The following ARHGEF4 variants were observed in gnomAD, a reference collection of about 807,000 sequenced individuals.
The protein encoded by ARHGEF4 is APC-stimulated guanine nucleotide exchange factor 1.
In ARHGEF4, 119 loss-of-function variants were observed where a neutral mutation model predicts 162.0. The observed-to-expected ratio is 0.73, with a 90% CI of 0.63 to 0.86. The LOEUF is 0.86. Among genes scored for constraint, ARHGEF4 ranks in the 40% least tolerant of loss-of-function variants. The pLI is 0.00. For synonymous variants in ARHGEF4, 1,014 were observed against 979.9 expected (o/e 1.03, Z -0.65); for missense variants, 2,488 against 2,456.0 (o/e 1.01, Z -0.28).
chr2:131,006,318 C>T (rs1688111216), intron 4 of ARHGEF4, among the ~76,000 whole-genome samples: 1 of 152,242 alleles, frequency 6.6e-6, no homozygotes, highest in South Asian at 2.1e-4. Flanking sequence ...ACACTGTGCC[C>T]AGCCCTTTGA....
Sources: allele counts gnomAD v4.1 joint callset (sites outside exome capture counted in the v4.1 genomes callset), GRCh38; gene constraint gnomAD v4.1.1; transcripts MANE v1.5; gene names NCBI Gene and HGNC (gene_info 2026-07-23, HGNC 2026-07-21).